SLC26A7: variants seen among roughly 807,000 people sequenced by gnomAD.
SLC26A7 encodes solute carrier family 26 member 7.
Under a neutral mutation model 82.5 loss-of-function variants are expected in SLC26A7, and 59 were observed. The observed-to-expected ratio is 0.72, with a 90% CI of 0.58 to 0.89. The LOEUF (loss-of-function observed/expected upper bound fraction) is 0.89, where lower values mean the gene tolerates loss of function less well. Among genes scored for constraint, SLC26A7 ranks in the 40% least tolerant of loss-of-function variants. SLC26A7 has a pLI of 0.00. For missense variants in SLC26A7, 820 were observed against 793.0 expected (o/e 1.03, Z -0.41); for synonymous variants, 271 against 274.3 (o/e 0.99, Z 0.12).
chr8:91,348,846 A>AAG (rs1407651388), intron 9 of SLC26A7, among the ~76,000 whole-genome samples: 1 of 152,222 alleles, frequency 6.6e-6, no homozygotes, highest in Non-Finnish European at 1.5e-5. Flanking sequence ...AAAATATACG[A>AAG]AGAAAGTAGA....
At chr8:91,310,744 C>T (rs1310983271) in intron 4 of SLC26A7, among the ~76,000 whole-genome samples, 2 of 152,110 alleles carry the variant, frequency 1.3e-5, no homozygotes, top group African/African-American at 4.8e-5. Flanking sequence ...TGCTCCCCTC[C>T]CAAGTGCTAG....
chr8:91,389,596 G>T (rs1814898395), intron 16 of SLC26A7, among the ~76,000 whole-genome samples, 158 bp downstream of exon 16: 1 of 152,150 alleles, frequency 6.6e-6, no homozygotes, highest in African/African-American at 2.4e-5. Flanking sequence ...CATCACTGTA[G>T]ATTTGTTTTC....
chr8:91,368,616 G>T (rs546023581), intron 14 of SLC26A7, among the ~76,000 whole-genome samples: 11 of 152,048 alleles, frequency 7.2e-5, no homozygotes, highest in African/African-American at 2.4e-4. Context: ...GTAGAGACGG[G>T]GTTTCACCGT....
chr8:91,254,343 T>C (rs1328951521), intron 2 of SLC26A7, among the ~76,000 whole-genome samples: 1 of 152,096 alleles, frequency 6.6e-6, no homozygotes, highest in Non-Finnish European at 1.5e-5. Context: ...GGTATGACCA[T>C]TACCTACCTA....
At chr8:91,226,907 A>G (rs1810246830) in intron 2 of SLC26A7, among the ~76,000 whole-genome samples, 1 of 152,226 alleles carries the variant, frequency 6.6e-6, no homozygotes, top group Non-Finnish European at 1.5e-5. Context: ...GTGTGCTAAA[A>G]AAATTCATGA....
At chr8:91,278,337 A>T (rs912244431) in intron 2 of SLC26A7, among the ~76,000 whole-genome samples, 5 of 152,112 alleles carry the variant, frequency 3.3e-5, no homozygotes, top group Non-Finnish European at 5.9e-5. Context: ...TGCATAAGAG[A>T]TGTCTGACAT....
intron 9 of SLC26A7, chr8:91,344,192 A>G: frequency 1.0e-6 from 1 of 985,436 alleles, no homozygotes; most frequent in Non-Finnish European, 1.2e-6. Flanking sequence ...TGATCTAGGC[A>G]ACCTTAAGAA....
intron 2 of SLC26A7, among the ~76,000 whole-genome samples, chr8:91,234,140 G>A (rs1810352970): frequency 6.6e-6 from 1 of 152,164 alleles, no homozygotes; most frequent in African/African-American, 2.4e-5. Context: ...TTCTCTGAAA[G>A]TTCTGGTATC....
At chr8:91,260,073 C>G (rs1415226256) in intron 2 of SLC26A7, among the ~76,000 whole-genome samples, 1 of 152,006 alleles carries the variant, frequency 6.6e-6, no homozygotes, top group East Asian at 1.9e-4. Context: ...TTTGATTGAG[C>G]ACTGTATTAG....
chr8:91,344,627 A>G (rs763399805), intron 9 of SLC26A7, among the ~76,000 whole-genome samples: 2 of 152,242 alleles, frequency 1.3e-5, no homozygotes, highest in Non-Finnish European at 2.9e-5. Flanking sequence ...ATCATAGAGT[A>G]CATGAAAGGA....
At chr8:91,334,907 C>T (rs139873990) in intron 6 of SLC26A7, among the ~76,000 whole-genome samples, 1 of 152,250 alleles carries the variant, frequency 6.6e-6, no homozygotes, top group Non-Finnish European at 1.5e-5. Context: ...AATTTTGCTT[C>T]ATTGAAAGGA....
In SLC26A7 at chr8:91,312,619, CTGTG is replaced by C. The variant is rs200966343; in HGVS notation, c.478-5591_478-5588del. Among the ~76,000 whole-genome samples, 84 of 140,346 alleles carry C rather than the reference CTGTG, an allele frequency of 6.0e-4. 1 individual carries two copies. In the East Asian group the frequency reaches 0.017, roughly 29 times the overall value. 92.1% of individuals were successfully genotyped at this position (140,346 alleles called of 152,430 possible). ...ACATATGCTTGCCAAAACTTATTTT[CTGTG>C]TGTGTATGTAGGTGTGTCTGTGTGT... On this transcript the variant is annotated intron_variant, in intron 4 of 18. Transcript: ENST00000276609.
chr8:91,345,278 C>G (rs1813531033), intron 9 of SLC26A7, among the ~76,000 whole-genome samples: 1 of 152,076 alleles, frequency 6.6e-6, no homozygotes, highest in African/African-American at 2.4e-5. Flanking sequence ...TGGTTTCTTA[C>G]CAGAGTGAAT....
chr8:91,251,548 C>G (rs2130698450), intron 2 of SLC26A7, among the ~76,000 whole-genome samples: 1 of 152,232 alleles, frequency 6.6e-6, no homozygotes, highest in Admixed American at 6.6e-5. Flanking sequence ...TCATGCTCAT[C>G]TACTACGTAT....
At chr8:91,368,149 T>C (rs1394387297) in intron 14 of SLC26A7, among the ~76,000 whole-genome samples, 1 of 152,160 alleles carries the variant, frequency 6.6e-6, no homozygotes, top group Non-Finnish European at 1.5e-5. Flanking sequence ...TAAAGTGCCC[T>C]TCTCATCACA....
intron 1 of SLC26A7, among the ~76,000 whole-genome samples, chr8:91,213,392 A>G (rs934877283): frequency 6.6e-6 from 1 of 152,204 alleles, no homozygotes; most frequent in South Asian, 2.1e-4. Flanking sequence ...ATCCCAATGT[A>G]TGGTTACCCT....
At chr8:91,379,280 A>T (rs1365002665) in intron 15 of SLC26A7, among the ~76,000 whole-genome samples, 1 of 152,122 alleles carries the variant, frequency 6.6e-6, no homozygotes, top group Non-Finnish European at 1.5e-5. Flanking sequence ...TATCAAGTAA[A>T]GTTACAATAG....
At chr8:91,393,656 T>C (rs760449710) in intron 16 of SLC26A7, 141 bp from the exon 17 acceptor site, 16 of 807,288 alleles carry the variant, frequency 2.0e-5, no homozygotes, top group Non-Finnish European at 3.0e-5. Flanking sequence ...TATGCCTGAC[T>C]GTGTAACAAT....
intron 15 of SLC26A7, among the ~76,000 whole-genome samples, chr8:91,386,751 T>G (rs964866424): frequency 2.0e-5 from 3 of 152,204 alleles, no homozygotes; most frequent in Non-Finnish European, 4.4e-5. Context: ...ATTTCTACTA[T>G]CACTGATTTT....
Sources: gnomAD v4.1 joint callset for allele counts (sites outside exome capture counted in the v4.1 genomes callset) on GRCh38, gnomAD v4.1.1 for gene constraint, MANE v1.5 for transcripts, NCBI Gene and HGNC (gene_info 2026-07-23, HGNC 2026-07-21) for gene names.